The following TINAG variants were observed in gnomAD, a reference collection of about 807,000 sequenced individuals.
TINAG encodes the protein tubulointerstitial nephritis antigen.
TINAG carries 83 observed loss-of-function variants against 72.7 expected under a neutral mutation model. The ratio of observed to expected loss-of-function variants is 1.14; its 90% CI spans 0.96 to 1.37. The LOEUF is 1.37. TINAG is among the 40% of genes most tolerant of loss of function. TINAG has a pLI of 0.00. For synonymous variants in TINAG, 234 were observed against 189.9 expected, an observed-to-expected ratio of 1.23 and a Z score of -1.91; for missense variants, 685 against 576.6, an observed-to-expected ratio of 1.19 and a Z score of -1.93.
At chr6:54,329,700 C>T (rs974115954) in intron 4 of TINAG, among the ~76,000 whole-genome samples, 2 of 152,000 alleles carry the variant, frequency 1.3e-5, no homozygotes, top group Non-Finnish European at 2.9e-5. Context: ...AGAGTCAAGA[C>T]CCATCATTGT....
rs1027362979 is a variant in TINAG at position 54,383,101 on chromosome 6, TAAGAG to T, written c.1296+2534_1296+2538del. 4.6e-5 allele frequency among the ~76,000 whole-genome samples: 7 copies of T among 152,240 alleles called. No homozygotes were observed. The East Asian group carries it at 1.3e-3, about 29-fold the overall frequency. ...GCTCTCTTTGAGCCTCTAGAGGAGATAAGAGAAGTTTTGTTATCCCTTCAGATCAG... is the reference window on the plus strand; with the variant it reads ...GCTCTCTTTGAGCCTCTAGAGGAGATAAGTTTTGTTATCCCTTCAGATCAG... On this transcript the variant is annotated intron_variant, in intron 10 of 10. Transcript: ENST00000259782.
At chr6:54,363,271 T>A (rs1277487005) in intron 9 of TINAG, among the ~76,000 whole-genome samples, 1 of 151,638 alleles carries the variant, frequency 6.6e-6, no homozygotes, top group Non-Finnish European at 1.5e-5. Flanking sequence ...TGAAGTTTTT[T>A]AAGTAGAAAA....
rs752355176 is a variant in TINAG at position 54,349,874 on chromosome 6, C to A, written c.1058C>A (p.Pro353His). The A allele has an allele frequency of 3.1e-6, 5 of 1,594,780 alleles. No homozygotes were observed. In the African/African-American group the frequency reaches 6.7e-5, roughly 21 times the overall value. Residue 353 changes from proline (P) to histidine (H), a missense_variant, in exon 7 of 11, where the codon CCT becomes CAT. Pro to His is a moderately conservative substitution (Grantham distance 77). Coordinates refer to ENST00000259782, the MANE Select transcript of TINAG (RefSeq NM_014464.4). ...TCTAACAGGATCTATCAATGTTCTC[C>A]TCCATACAGAGTCTCTTCCAACGTA... ...EKSNRIYQCS[P>H]PYRVSSNETE... is the part of the protein sequence containing the mutation.
intron 1 of TINAG, among the ~76,000 whole-genome samples, chr6:54,320,000 GT>G (rs148755573): frequency 0.18 from 27,162 of 151,996 alleles, 3,081 homozygotes; most frequent in Admixed American, 0.29. Context: ...TTAATAACTA[GT>G]TTCAGTTAAC....
At chr6:54,356,029 A>T (rs1161342307) in intron 9 of TINAG, among the ~76,000 whole-genome samples, 1 of 151,896 alleles carries the variant, frequency 6.6e-6, no homozygotes, top group East Asian at 1.9e-4. Flanking sequence ...TGAAAGAAAC[A>T]CTTTTCCATT....
rs147405762 is a variant in TINAG at position 54,380,528 on chromosome 6, G to A, written c.1253G>A (p.Trp418Ter). Residue 418 changes from tryptophan to a stop codon, truncating the protein, a stop_gained and splice_region_variant, in exon 10 of 11, where the codon TGG becomes TAG. Transcript: ENST00000259782. LOFTEE classifies it high-confidence loss of function. ...LQTHAVKLTG[W>*]GTLRGAQGQK... ...TTTATTATTGTTATTAATTGTAGAT[G>A]GGGCACACTGAGAGGAGCACAAGGG... The A allele has an allele frequency of 5.1e-5, 82 of 1,608,502 alleles. No homozygotes were observed. The highest frequency in any genetic ancestry group is 1.7e-4 in the Middle Eastern group (1 of 6,032).
At chr6:54,348,117 C>A (rs1785169450) in intron 6 of TINAG, among the ~76,000 whole-genome samples, 2 of 152,056 alleles carry the variant, frequency 1.3e-5, no homozygotes, top group South Asian at 4.1e-4. Flanking sequence ...GAAGCTGCAG[C>A]TGATAAAGAG....
In TINAG at chr6:54,349,894, A is replaced by ATTAT. The variant is rs1785223083; in HGVS notation, c.1078_1079insTTAT (p.Asn360IlefsTer5). 1 of 1,549,660 alleles carries ATTAT rather than the reference A, an allele frequency of 6.5e-7. No individual in the cohort carries two copies. Among genetic ancestry groups the ATTAT allele is most frequent in the Non-Finnish European group, 8.8e-7 (1 of 1,141,556 alleles). On this transcript the variant is annotated frameshift_variant and splice_region_variant, in exon 7 of 11. Transcript: ENST00000259782. LOFTEE classifies it high-confidence loss of function. ...TTCTCCTCCATACAGAGTCTCTTCC[A>ATTAT]ACGTAAGTATAAATGGCAAGAATCA...
chr6:54,331,070 C>G (rs1009007196), intron 4 of TINAG, among the ~76,000 whole-genome samples: 13 of 152,088 alleles, frequency 8.5e-5, no homozygotes, highest in Admixed American at 6.6e-5. Flanking sequence ...CTATTCTAAA[C>G]AATAGAAAAA....
chr6:54,315,805 A>G (rs1784360345), intron 1 of TINAG, among the ~76,000 whole-genome samples: 1 of 152,218 alleles, frequency 6.6e-6, no homozygotes, highest in Non-Finnish European at 1.5e-5. Flanking sequence ...GAGAAAGTCT[A>G]GTAGACCATC....
chr6:54,340,772 T>C (rs1784978492), intron 4 of TINAG, among the ~76,000 whole-genome samples: 3 of 152,136 alleles, frequency 2.0e-5, no homozygotes, highest in Admixed American at 2.0e-4. Context: ...TTTTGCTTGT[T>C]GTTTCACTAT....
At chr6:54,372,384 G>A (rs1389440297) in intron 9 of TINAG, among the ~76,000 whole-genome samples, 1 of 152,014 alleles carries the variant, frequency 6.6e-6, no homozygotes, top group Non-Finnish European at 1.5e-5. Flanking sequence ...ACCTTCCAAA[G>A]TTAGCTTAAT....
intron 9 of TINAG, among the ~76,000 whole-genome samples, chr6:54,372,727 C>CATACATATATATATATAT (rs1554209119): frequency 7.5e-6 from 1 of 133,952 alleles, no homozygotes; most frequent in Admixed American, 8.9e-5. Flanking sequence ...TAAATACATA[C>CATACATATATATATATAT]ATATATATAT....
At chr6:54,377,529 T>TAAAC (rs1763817184) in intron 9 of TINAG, among the ~76,000 whole-genome samples, 1 of 151,698 alleles carries the variant, frequency 6.6e-6, no homozygotes, top group African/African-American at 2.4e-5. Context: ...AATAAATAAA[T>TAAAC]AAATAAGAAA....
chr6:54,318,465 A>G (rs915095048), intron 1 of TINAG, among the ~76,000 whole-genome samples: 1 of 151,988 alleles, frequency 6.6e-6, no homozygotes, highest in Non-Finnish European at 1.5e-5. Context: ...ATTCCCTTTG[A>G]GTTACCTCCA....
At chr6:54,345,899 C>T (rs1415280102) in intron 5 of TINAG, among the ~76,000 whole-genome samples, 2 of 151,902 alleles carry the variant, frequency 1.3e-5, no homozygotes, top group African/African-American at 2.4e-5. Flanking sequence ...TTTTAATTAG[C>T]ACCTTGAGGG....
chr6:54,342,440 C>T (rs1785019625), intron 4 of TINAG, among the ~76,000 whole-genome samples: 1 of 151,422 alleles, frequency 6.6e-6, no homozygotes, highest in Non-Finnish European at 1.5e-5. Context: ...CTCACTGCAA[C>T]CTCTTGCAAT....
chr6:54,342,062 G>GGT (rs142069767), intron 4 of TINAG, among the ~76,000 whole-genome samples: 1,502 of 147,652 alleles, frequency 0.01, 18 homozygotes, highest in African/African-American at 0.03. Flanking sequence ...AAATGATTGG[G>GGT]GTGTGTGTGT....
At chr6:54,344,118 T>C (rs1785065553) in intron 5 of TINAG, among the ~76,000 whole-genome samples, 1 of 152,178 alleles carries the variant, frequency 6.6e-6, no homozygotes, top group African/African-American at 2.4e-5. Context: ...AACCATGCTC[T>C]AGAGTTTGCA....
Sources: gnomAD v4.1 joint callset for allele counts (sites outside exome capture counted in the v4.1 genomes callset) on GRCh38, gnomAD v4.1.1 for gene constraint, MANE v1.5 for transcripts, NCBI Gene and HGNC (gene_info 2026-07-23, HGNC 2026-07-21) for gene names.